WNT7A: variants seen among roughly 807,000 people sequenced by gnomAD.
WNT7A encodes the protein Wnt family member 7A, also known as protein Wnt-7a.
WNT7A carries 16 observed loss-of-function variants against 28.2 expected under a neutral mutation model. That is an observed-to-expected ratio of 0.57 (90% CI 0.38 to 0.86). The LOEUF (loss-of-function observed/expected upper bound fraction) is 0.86. Ranked by LOEUF, WNT7A falls within the 40% of genes least tolerant of loss-of-function variation. The pLI, the probability that WNT7A is intolerant of heterozygous loss-of-function variation, is 0.00. For missense variants in WNT7A, 411 were observed against 489.7 expected, an observed-to-expected ratio of 0.84 and a Z score of 1.52; for synonymous variants, 190 against 195.9, an observed-to-expected ratio of 0.97 and a Z score of 0.25.
At chr3:13,822,842 T>C (rs1270845622) in intron 3 of WNT7A, among the ~76,000 whole-genome samples, 1 of 152,172 alleles carries the variant, frequency 6.6e-6, no homozygotes, top group Admixed American at 6.5e-5. Flanking sequence ...GCTACTACCG[T>C]GGTGGGCCCT....
At chr3:13,843,151 G>A (rs979563767) in intron 3 of WNT7A, among the ~76,000 whole-genome samples, 3 of 152,200 alleles carry the variant, frequency 2.0e-5, no homozygotes, top group African/African-American at 7.2e-5. Context: ...TACAGCCAGC[G>A]AATGGACAAA....
At chr3:13,870,806 C>T (rs148535774) in intron 2 of WNT7A, among the ~76,000 whole-genome samples, 85 of 152,356 alleles carry the variant, frequency 5.6e-4, no homozygotes, top group African/African-American at 1.7e-3. Context: ...CGGATGCCAA[C>T]GCTACCTCTG....
chr3:13,848,175 C>A (rs1694571037), intron 3 of WNT7A, among the ~76,000 whole-genome samples: 1 of 151,574 alleles, frequency 6.6e-6, no homozygotes, highest in African/African-American at 2.4e-5. Flanking sequence ...TAGATGATAC[C>A]AAAGGTACAG....
intron 2 of WNT7A, among the ~76,000 whole-genome samples, chr3:13,870,705 A>G (rs1465565648): frequency 2.0e-5 from 3 of 152,200 alleles, no homozygotes; most frequent in East Asian, 1.9e-4. Flanking sequence ...AGAAAGGCCA[A>G]TGCTCTTTCT....
rs781610205 is a variant in WNT7A, at chr3:13,819,376, T to C, written c.618A>G (p.Ser206=). 6.2e-7 allele frequency: 1 copy of C among 1,613,536 alleles called. No individual in the cohort carries two copies. The highest frequency in any genetic ancestry group is 8.5e-7 in the Non-Finnish European group (1 of 1,179,778). The change falls in exon 4 of 4, where the codon TCA becomes TCG. Residue 206 remains serine, a synonymous_variant. Transcript: ENST00000285018. The part of the protein sequence containing the change: ...MKLECKCHGV[S]GSCTTKTCWT... ...AGCACGTCTTGGTGGTGCACGAGCCTGACACGCCGTGGCACTTACATTCCA... is the reference window on the plus strand; with the variant it reads ...AGCACGTCTTGGTGGTGCACGAGCCCGACACGCCGTGGCACTTACATTCCA...
chr3:13,847,584 G>T (rs903328096), intron 3 of WNT7A, among the ~76,000 whole-genome samples: 4 of 152,132 alleles, frequency 2.6e-5, no homozygotes, highest in African/African-American at 9.7e-5. Flanking sequence ...GAGGGTTCCC[G>T]GATTTAGCAC....
intron 3 of WNT7A, among the ~76,000 whole-genome samples, chr3:13,852,338 G>A (rs1474826614): frequency 2.0e-5 from 3 of 152,212 alleles, no homozygotes; most frequent in Non-Finnish European, 2.9e-5. Context: ...GAGCCTTTCC[G>A]AGGCTCTCAG....
chr3:13,830,028 A>C (rs1315565541), intron 3 of WNT7A, among the ~76,000 whole-genome samples: 1 of 151,996 alleles, frequency 6.6e-6, no homozygotes, highest in Non-Finnish European at 1.5e-5. Context: ...GGGCATCTTT[A>C]AGCAGCCCCT....
At chr3:13,879,372 G>A (rs1214906601) in intron 1 of WNT7A, among the ~76,000 whole-genome samples, 1 of 152,152 alleles carries the variant, frequency 6.6e-6, no homozygotes, top group African/African-American at 2.4e-5. Flanking sequence ...GATTGGCTGT[G>A]GTCCTGGCTT....
intron 2 of WNT7A, among the ~76,000 whole-genome samples, chr3:13,857,797 AG>A (rs1694770960): frequency 6.6e-6 from 1 of 152,200 alleles, no homozygotes; most frequent in Non-Finnish European, 1.5e-5. Flanking sequence ...GATGGAGGGC[AG>A]GGAAGAAATC....
At chr3:13,840,456 T>C (rs936141582) in intron 3 of WNT7A, among the ~76,000 whole-genome samples, 1 of 152,252 alleles carries the variant, frequency 6.6e-6, no homozygotes, top group African/African-American at 2.4e-5. Flanking sequence ...GTTGAATGAA[T>C]GAATGAACGA....
chr3:13,873,949 C>T (rs1695063792), intron 2 of WNT7A, among the ~76,000 whole-genome samples: 1 of 152,146 alleles, frequency 6.6e-6, no homozygotes, highest in Non-Finnish European at 1.5e-5. Context: ...AAGAAAGCCT[C>T]CAGAGGGGTT....
intron 3 of WNT7A, among the ~76,000 whole-genome samples, chr3:13,842,244 C>T (rs1055204615): frequency 1.3e-5 from 2 of 152,116 alleles, no homozygotes; most frequent in Non-Finnish European, 2.9e-5. Flanking sequence ...AGGGAAGAGA[C>T]GCTGATGGAT....
At chr3:13,824,945 C>A (rs945596778) in intron 3 of WNT7A, among the ~76,000 whole-genome samples, 20 of 152,292 alleles carry the variant, frequency 1.3e-4, no homozygotes, top group African/African-American at 4.6e-4. Context: ...TGCCCTATAG[C>A]TGCTAAAGAG....
intron 3 of WNT7A, among the ~76,000 whole-genome samples, chr3:13,836,014 C>T (rs1694361909): frequency 6.6e-6 from 1 of 151,972 alleles, no homozygotes; most frequent in African/African-American, 2.4e-5. Context: ...CTGCCAGGGG[C>T]TGGGAGAGAG....
intron 1 of WNT7A, among the ~76,000 whole-genome samples, chr3:13,876,724 C>T (rs1236931008): frequency 7.3e-6 from 1 of 137,794 alleles, no homozygotes; most frequent in African/African-American, 3.1e-5. Flanking sequence ...GCAGTAGGCA[C>T]TCTGTCCTTG....
At chr3:13,826,259 A>G (rs1211788439) in intron 3 of WNT7A, among the ~76,000 whole-genome samples, 2 of 152,196 alleles carry the variant, frequency 1.3e-5, no homozygotes, top group Non-Finnish European at 2.9e-5. Flanking sequence ...ACCAGAAGTA[A>G]CTGTGGAATT....
In WNT7A at chr3:13,818,028, A is replaced by G. The variant is rs1236578762; in HGVS notation, c.*916T>C. 1 of 152,228 alleles carries G rather than the reference A, an allele frequency of 6.6e-6. No individual in the cohort carries two copies. The highest frequency in any genetic ancestry group is 1.5e-5 in the Non-Finnish European group (1 of 68,050). The allele number at this position is 152,228 out of a possible 1,614,324, so 9.4% of individuals were successfully genotyped here. On this transcript the variant is annotated 3_prime_UTR_variant, in exon 4 of 4. Transcript: ENST00000285018. ...CCCCATGGGGCCTGACGCCACAACC[A>G]GGCATCGCCCCTCCTTACCCCTAAG...
chr3:13,879,192 C>T (rs998547767), intron 1 of WNT7A, among the ~76,000 whole-genome samples: 1 of 152,230 alleles, frequency 6.6e-6, no homozygotes, highest in Non-Finnish European at 1.5e-5. Flanking sequence ...GCCAAGGCTC[C>T]GAGCGGCGGT....
Sources: gnomAD v4.1 joint callset for allele counts (sites outside exome capture counted in the v4.1 genomes callset) on GRCh38, gnomAD v4.1.1 for gene constraint, MANE v1.5 for transcripts, NCBI Gene and HGNC (gene_info 2026-07-23, HGNC 2026-07-21) for gene names.